The following TGFBR1 variants were observed in gnomAD, a reference collection of about 807,000 sequenced individuals.
TGFBR1 encodes the protein transforming growth factor beta receptor 1, also known as TGF-beta receptor type-1.
TGFBR1 carries 20 observed loss-of-function variants against 55.1 expected under a neutral mutation model. The ratio of observed to expected loss-of-function variants is 0.36; its 90% CI spans 0.26 to 0.53. The LOEUF (loss-of-function observed/expected upper bound fraction) is 0.53. Among genes scored for constraint, TGFBR1 ranks in the 20% least tolerant of loss-of-function variants. The pLI is 0.91. For missense variants in TGFBR1, 385 were observed against 617.6 expected, an observed-to-expected ratio of 0.62 and a Z score of 3.99; for synonymous variants, 220 against 214.8, an observed-to-expected ratio of 1.02 and a Z score of -0.21.
chr9:99,131,457 A>ATC (rs1827221953), intron 2 of TGFBR1, among the ~76,000 whole-genome samples: 1 of 152,218 alleles, frequency 6.6e-6, no homozygotes, highest in Non-Finnish European at 1.5e-5. Flanking sequence ...AAGATGTGAT[A>ATC]TGAAAGAAAT....
At chr9:99,109,300 T>C (rs1289903910) in intron 1 of TGFBR1, among the ~76,000 whole-genome samples, 1 of 152,192 alleles carries the variant, frequency 6.6e-6, no homozygotes, top group Non-Finnish European at 1.5e-5. Flanking sequence ...TATAGTAGTT[T>C]GGAAGATGGT....
rs538023481 is a variant in TGFBR1 at position 99,142,417 on chromosome 9, T to G, written c.806-119T>G. 2.4e-5 allele frequency: 26 copies of G among 1,067,916 alleles called. No homozygotes were observed. The South Asian group carries it at 3.3e-4, about 14-fold the overall frequency. The allele number at this position is 1,067,916 out of a possible 1,614,324, so 66.2% of individuals were successfully genotyped here. A position where few individuals can be genotyped will look rare whatever the true frequency, so the allele number is the denominator to read the frequency against. On this transcript the variant is annotated intron_variant, in intron 4 of 8. Transcript: ENST00000374994. ...AAGAAAATGTGAAGGAAATACAGAC[T>G]TAAGGTGGCATTATATTGCAGTGTG... is the stretch of plus-strand genomic sequence containing the variant.
intron 1 of TGFBR1, among the ~76,000 whole-genome samples, chr9:99,123,406 G>A (rs1425632275): frequency 6.6e-6 from 1 of 151,992 alleles, no homozygotes; most frequent in Non-Finnish European, 1.5e-5. Flanking sequence ...TCCTAAACAG[G>A]GGATTTGGTT....
At chr9:99,145,421 A>G (rs1827760709) in intron 6 of TGFBR1, among the ~76,000 whole-genome samples, 1 of 152,142 alleles carries the variant, frequency 6.6e-6, no homozygotes, top group Non-Finnish European at 1.5e-5. Flanking sequence ...CTGTCATAGC[A>G]CACTGAACTG....
At chr9:99,109,412 A>G (rs546725013) in intron 1 of TGFBR1, among the ~76,000 whole-genome samples, 73 of 152,306 alleles carry the variant, frequency 4.8e-4, no homozygotes, top group South Asian at 1.0e-3. Context: ...AGGAATTGAC[A>G]TAAAAATAAT....
intron 3 of TGFBR1, 62 bp from the exon 4 acceptor site, chr9:99,137,797 C>T (rs2118704985): frequency 7.1e-7 from 1 of 1,403,198 alleles, no homozygotes; most frequent in Non-Finnish European, 1.0e-6. Context: ...TAGTGCCTAT[C>T]ATGATGTTTG....
chr9:99,144,993 T>G, intron 6 of TGFBR1, 105 bp downstream of exon 6: 1 of 1,311,874 alleles, frequency 7.6e-7, no homozygotes, highest in South Asian at 1.3e-5. Context: ...ACTTGCACTT[T>G]ATTAGATTGC....
At chr9:99,109,983 A>G (rs1460531521) in intron 1 of TGFBR1, among the ~76,000 whole-genome samples, 1 of 152,234 alleles carries the variant, frequency 6.6e-6, no homozygotes, top group Non-Finnish European at 1.5e-5. Context: ...GGCAGTCTCC[A>G]TAAACATTAA....
intron 5 of TGFBR1, among the ~76,000 whole-genome samples, chr9:99,143,117 T>A (rs1260918258): frequency 6.6e-6 from 1 of 152,158 alleles, no homozygotes; most frequent in Non-Finnish European, 1.5e-5. Flanking sequence ...TTAAAACAAA[T>A]TTTTTAGATG....
At chr9:99,134,802 TTATATATA>T (rs10625219) in intron 3 of TGFBR1, among the ~76,000 whole-genome samples, 1,651 of 41,022 alleles carry the variant, frequency 0.04, 44 homozygotes, top group African/African-American at 0.084. Context: ...TCTGTTTCCA[TTATATATA>T]TATATATATA....
intron 3 of TGFBR1, among the ~76,000 whole-genome samples, chr9:99,135,852 CTTTTTTTTTT>C (rs397954803): frequency 7.9e-6 from 1 of 125,968 alleles, no homozygotes; most frequent in East Asian, 2.3e-4. Flanking sequence ...AAAATTGTTA[CTTTTTTTTTT>C]TTTTTTTTTG....
chr9:99,151,645 T>G lies in TGFBR1; in HGVS notation c.*2340T>G, dbSNP rs894054104. ...TACAATTATACTTTTCTTACCTAAG[T>G]GGATAAAATGTACTTTTGATGAATC... is the stretch of plus-strand genomic sequence containing the variant. On this transcript the variant is annotated 3_prime_UTR_variant, in exon 9 of 9. Transcript: ENST00000374994. The G allele has an allele frequency of 8.7e-6, 2 of 228,950 alleles. No homozygotes were observed. Among genetic ancestry groups the G allele is most frequent in the African/African-American group, 4.4e-5 (2 of 45,124 alleles). The allele number at this position is 228,950 out of a possible 1,614,324, so 14.2% of individuals were successfully genotyped here.
intron 4 of TGFBR1, among the ~76,000 whole-genome samples, chr9:99,138,949 C>T (rs1827525701): frequency 6.6e-6 from 1 of 152,080 alleles, no homozygotes; most frequent in Non-Finnish European, 1.5e-5. Context: ...AGGCGTGCAC[C>T]ACCATGCCCA....
Position 99,149,421 on chromosome 9 carries a change from G to A in TGFBR1, c.*116G>A, listed in dbSNP as rs1827912568. On this transcript the variant is annotated 3_prime_UTR_variant, in exon 9 of 9. Transcript: ENST00000374994. ...GAACAGAAGGATATTGCTTCCTTTT[G>A]CAGCAGTGTAATAAAGTCAATTAAA... 1 of 1,455,862 alleles carries A rather than the reference G, an allele frequency of 6.9e-7. No homozygotes were observed. The highest frequency in any genetic ancestry group is 9.6e-7 in the Non-Finnish European group (1 of 1,042,418). The allele number at this position is 1,455,862 out of a possible 1,614,324, so 90.2% of individuals were successfully genotyped here. A position where few individuals can be genotyped will look rare whatever the true frequency, so the allele number is the denominator to read the frequency against.
chr9:99,144,672 G>T (rs1440231314), intron 5 of TGFBR1, 60 bp from the exon 6 acceptor site: 6 of 1,603,086 alleles, frequency 3.7e-6, no homozygotes, highest in Non-Finnish European at 5.1e-6. Context: ...TGAACCTAAA[G>T]ATGTGAGTTG....
chr9:99,134,221 T>G (rs1031810092), intron 3 of TGFBR1, among the ~76,000 whole-genome samples: 7 of 152,284 alleles, frequency 4.6e-5, no homozygotes, highest in African/African-American at 1.7e-4. Flanking sequence ...GAAACTGATT[T>G]TATTACCTGA....
At position 99,109,409 on chromosome 9, in the gene TGFBR1, G is replaced by C. The variant is rs189180140; in HGVS notation, c.97+4107G>C. 1.2e-3 allele frequency among the ~76,000 whole-genome samples: 182 copies of C among 152,224 alleles called. 1 individual carries two copies. The highest frequency in any genetic ancestry group is 4.0e-3 in the African/African-American group (166 of 41,528). On this transcript the variant is annotated intron_variant, in intron 1 of 8. Transcript: ENST00000374994. Reference sequence around the variant, plus strand: ...TGTTGTTGAAATTAAGAGAGGAATTGACATAAAAATAATCAAGAGGAAGAT... The same window carrying C: ...TGTTGTTGAAATTAAGAGAGGAATTCACATAAAAATAATCAAGAGGAAGAT...
At chr9:99,129,135 A>G (rs202152289) in intron 2 of TGFBR1, 35 bp downstream of exon 2, 5 of 1,605,534 alleles carry the variant, frequency 3.1e-6, no homozygotes, top group Admixed American at 3.3e-5. Context: ...TAGATACTAC[A>G]AGAAAAACTC....
At chr9:99,112,902 G>A (rs901421687) in intron 1 of TGFBR1, among the ~76,000 whole-genome samples, 1 of 150,780 alleles carries the variant, frequency 6.6e-6, no homozygotes, top group Non-Finnish European at 1.5e-5. Flanking sequence ...ATGGCTACTA[G>A]CATCTAGCAT....
Sources: allele counts gnomAD v4.1 joint callset (sites outside exome capture counted in the v4.1 genomes callset), GRCh38; gene constraint gnomAD v4.1.1; transcripts MANE v1.5; gene names NCBI Gene and HGNC (gene_info 2026-07-23, HGNC 2026-07-21).